NREP: variants seen among roughly 807,000 people sequenced by gnomAD.
NREP encodes neuronal regeneration related protein.
NREP carries 5 observed loss-of-function variants against 8.6 expected under a neutral mutation model. That is an observed-to-expected ratio of 0.58 (90% CI 0.30 to 1.22). The LOEUF is 1.22. Among genes scored for constraint, NREP ranks in the 50% most tolerant of loss-of-function variants. The pLI is 0.07. For missense variants in NREP, 86 were observed against 82.5 expected (o/e 1.04, Z -0.17); for synonymous variants, 27 against 28.0 (o/e 0.96, Z 0.11).
chr5:111,833,246 T>C (rs905413985), intron 2 of NREP, among the ~76,000 whole-genome samples: 1 of 152,176 alleles, frequency 6.6e-6, no homozygotes, highest in Admixed American at 6.5e-5. Context: ...GAGGGATAAC[T>C]GACTTGTTAT....
At chr5:111,926,526 T>C (rs1407156276) in intron 2 of NREP, among the ~76,000 whole-genome samples, 1 of 152,010 alleles carries the variant, frequency 6.6e-6, no homozygotes, top group Non-Finnish European at 1.5e-5. Flanking sequence ...TTGGATAATA[T>C]TAAAATCAAG....
chr5:111,876,440 A>G (rs1478101197), intron 2 of NREP, among the ~76,000 whole-genome samples: 8 of 152,152 alleles, frequency 5.3e-5, no homozygotes, highest in Non-Finnish European at 1.0e-4. Context: ...CTGGGTACCA[A>G]TTGATCAACT....
chr5:111,873,722 T>C (rs1753840929), intron 2 of NREP, among the ~76,000 whole-genome samples: 1 of 152,196 alleles, frequency 6.6e-6, no homozygotes, highest in Admixed American at 6.5e-5. Context: ...TCCCCCCATG[T>C]CAAGATTCTT....
chr5:111,746,407 A>C (rs1263058748), intron 2 of NREP, among the ~76,000 whole-genome samples: 1 of 152,168 alleles, frequency 6.6e-6, no homozygotes, highest in East Asian at 1.9e-4. Flanking sequence ...TTTAGACCCA[A>C]GACTCCACAG....
chr5:111,959,263 C>A (rs1299779236), intron 2 of NREP, among the ~76,000 whole-genome samples: 1 of 151,324 alleles, frequency 6.6e-6, no homozygotes, highest in Non-Finnish European at 1.5e-5. Flanking sequence ...TTTAAGTAAG[C>A]AAAATTAGTC....
intron 2 of NREP, among the ~76,000 whole-genome samples, chr5:111,946,047 AGAG>A (rs1755970359): frequency 1.3e-5 from 2 of 149,912 alleles, no homozygotes; most frequent in Non-Finnish European, 3.0e-5. Flanking sequence ...AGAGTGGAAA[AGAG>A]GAGACTCTCC....
chr5:111,777,721 G>C (rs991416371), intron 2 of NREP, among the ~76,000 whole-genome samples: 6 of 152,060 alleles, frequency 3.9e-5, no homozygotes, highest in Non-Finnish European at 2.9e-5. Flanking sequence ...TTGAGGGCAT[G>C]GTGCATAGTT....
At chr5:111,959,196 A>G (rs1046578938) in intron 2 of NREP, among the ~76,000 whole-genome samples, 2 of 152,032 alleles carry the variant, frequency 1.3e-5, no homozygotes, top group African/African-American at 4.8e-5. Context: ...TAAAATGTAC[A>G]ATGGCTGAAC....
intron 2 of NREP, among the ~76,000 whole-genome samples, chr5:111,831,257 G>T (rs185268136): frequency 1.1e-3 from 168 of 152,106 alleles, no homozygotes; most frequent in African/African-American, 3.6e-3. Flanking sequence ...TTTCTACTGG[G>T]CTTACCCTTC....
intron 2 of NREP, among the ~76,000 whole-genome samples, chr5:111,804,216 A>G (rs953923567): frequency 6.6e-6 from 1 of 152,226 alleles, no homozygotes; most frequent in East Asian, 1.9e-4. Context: ...GAAAATTCAG[A>G]AAGAGAATAT....
intron 2 of NREP, among the ~76,000 whole-genome samples, chr5:111,875,074 A>G (rs1753873251): frequency 6.6e-6 from 1 of 152,234 alleles, no homozygotes. Flanking sequence ...AAGAAGGATC[A>G]TGGAGAAAGA....
intron 2 of NREP, among the ~76,000 whole-genome samples, chr5:111,961,620 C>A (rs1581253849): frequency 6.6e-6 from 1 of 152,090 alleles, no homozygotes; most frequent in Non-Finnish European, 1.5e-5. Context: ...AGGAAAAATA[C>A]TTGCTTTTAT....
At chr5:111,910,680 T>C (rs1754888085) in intron 2 of NREP, among the ~76,000 whole-genome samples, 1 of 152,024 alleles carries the variant, frequency 6.6e-6, no homozygotes, top group African/African-American at 2.4e-5. Flanking sequence ...GGAACTTGGC[T>C]TCTGAGACTG....
chr5:111,802,589 G>C (rs1020189606), intron 2 of NREP, among the ~76,000 whole-genome samples: 2 of 152,152 alleles, frequency 1.3e-5, no homozygotes, highest in Non-Finnish European at 2.9e-5. Flanking sequence ...TTTAACAAAT[G>C]TAAAAAACAA....
chr5:111,932,737 T>A (rs1328533991), intron 2 of NREP, among the ~76,000 whole-genome samples: 2 of 152,120 alleles, frequency 1.3e-5, no homozygotes, highest in Non-Finnish European at 2.9e-5. Context: ...TGAATTAGCA[T>A]GCCTCTGCCA....
At chr5:111,799,392 C>A (rs1209051485) in intron 2 of NREP, among the ~76,000 whole-genome samples, 8 of 152,128 alleles carry the variant, frequency 5.3e-5, no homozygotes, top group African/African-American at 1.9e-4. Context: ...ATTCTACCCA[C>A]CCATGAGCAT....
At chr5:111,798,661 T>C (rs185574609) in intron 2 of NREP, among the ~76,000 whole-genome samples, 6 of 152,308 alleles carry the variant, frequency 3.9e-5, no homozygotes, top group African/African-American at 1.2e-4. Context: ...TTTGGAATAA[T>C]AGTCTTCAAT....
intron 2 of NREP, among the ~76,000 whole-genome samples, chr5:111,863,874 G>A (rs1753606130): frequency 6.6e-6 from 1 of 152,134 alleles, no homozygotes. Context: ...ATGTGGGACT[G>A]TTTGGACTTC....
chr5:111,895,395 GACAGTGAAGAACCAGCAAATAAAATA>G lies in NREP; in HGVS notation c.135+79853_135+79878del, dbSNP rs574033560. ...TGCAGCTGACAATCCAAGTGGGAGTGACAGTGAAGAACCAGCAAATAAAATAACAAAACAAGGTAATTTTAGATATT... is the reference window on the plus strand; with the variant it reads ...TGCAGCTGACAATCCAAGTGGGAGTGACAAAACAAGGTAATTTTAGATATT... On this transcript the variant is annotated intron_variant, in intron 2 of 3. Coordinates refer to the NREP transcript ENST00000395634. Among the ~76,000 whole-genome samples, 14 of 152,290 alleles carry G rather than the reference GACAGTGAAGAACCAGCAAATAAAATA, an allele frequency of 9.2e-5. No homozygotes were observed. The South Asian group carries it at 1.5e-3, about 16-fold the overall frequency.
Sources: gnomAD v4.1 joint callset for allele counts (sites outside exome capture counted in the v4.1 genomes callset) on GRCh38, gnomAD v4.1.1 for gene constraint, MANE v1.5 for transcripts, NCBI Gene and HGNC (gene_info 2026-07-23, HGNC 2026-07-21) for gene names.